The following BRCA2 variants were observed in gnomAD, a reference collection of about 807,000 sequenced individuals.
BRCA2 encodes the protein breast cancer type 2 susceptibility protein.
A neutral mutation model predicts 276.7 loss-of-function variants in BRCA2; 203 were observed. That is an observed-to-expected ratio of 0.73 (90% CI 0.65 to 0.82). The LOEUF (loss-of-function observed/expected upper bound fraction) is 0.82. Ranked by LOEUF, BRCA2 falls within the 40% of genes least tolerant of loss-of-function variation. The pLI, the probability that BRCA2 is intolerant of heterozygous loss-of-function variation, is 0.00. For missense variants in BRCA2, 3,920 were observed against 3,915.0 expected (o/e 1.00, Z -0.03); for synonymous variants, 1,289 against 1,338.4 (o/e 0.96, Z 0.81).
intron 7 of BRCA2, among the ~76,000 whole-genome samples, chr13:32,328,265 G>A (rs1290825838): frequency 2.1e-5 from 3 of 145,278 alleles, no homozygotes; most frequent in African/African-American, 5.1e-5. Flanking sequence ...TTTTTGAGGC[G>A]GAGTCTTGCC....
In BRCA2 at chr13:32,315,616, G is replaced by C. The variant is rs1343696092; in HGVS notation, c.-91G>C. The C allele has an allele frequency of 1.3e-5, 2 of 152,326 alleles. No individual in the cohort carries two copies. Among genetic ancestry groups the C allele is most frequent in the African/African-American group, 2.4e-5 (1 of 41,446 alleles). The allele number at this position is 152,326 out of a possible 1,614,324, so 9.4% of individuals were successfully genotyped here. A position where few individuals can be genotyped will look rare whatever the true frequency, so the allele number is the denominator to read the frequency against. ...GTGAGGGGACAGATTTGTGACCGGC[G>C]CGGTTTTTGTCAGCTTACTCCGGCC... is the stretch of plus-strand genomic sequence containing the variant. On this transcript the variant is annotated 5_prime_UTR_variant, in exon 1 of 27. Coordinates refer to ENST00000380152, the MANE Select transcript of BRCA2 (RefSeq NM_000059.4).
chr13:32,343,217 T>C (rs1018279210), intron 11 of BRCA2, among the ~76,000 whole-genome samples: 2 of 152,310 alleles, frequency 1.3e-5, no homozygotes, highest in East Asian at 3.9e-4. Flanking sequence ...TTGTGTGTGT[T>C]TTTTTCTATT....
rs786201236 is a variant in BRCA2, at chr13:32,338,235, T to C, written c.3880T>C (p.Leu1294=). ...AAAAAATAATAAATGCCAACTGATA[T>C]TACAAAATAATATTGAAATGACTAC... ...SEKNNKCQLI[L]QNNIEMTTGT... is the part of the protein sequence containing the mutation. The change falls in exon 11 of 27, where the codon TTA becomes CTA. Residue 1294 remains leucine, a synonymous_variant. Coordinates refer to ENST00000380152, the MANE Select transcript of BRCA2 (RefSeq NM_000059.4). 10 of 1,543,398 alleles carry C rather than the reference T, an allele frequency of 6.5e-6. No individual in the cohort carries two copies. Among genetic ancestry groups the C allele is most frequent in the Admixed American group, 2.1e-5 (1 of 47,190 alleles).
intron 13 of BRCA2, 128 bp from the exon 14 acceptor site, chr13:32,354,733 T>C: frequency 1.4e-6 from 1 of 722,988 alleles, no homozygotes; most frequent in Non-Finnish European, 2.4e-6. Flanking sequence ...ATGGCAACCA[T>C]GGTGAATACA....
intron 5 of BRCA2, 31 bp from the exon 6 acceptor site, chr13:32,326,207 AAAAC>A: frequency 6.2e-7 from 1 of 1,611,430 alleles, no homozygotes; most frequent in Non-Finnish European, 8.5e-7. Flanking sequence ...TAATAAAAAT[AAAAC>A]TTAACAATTT....
chr13:32,329,978 T>C (rs1268596515), intron 8 of BRCA2, among the ~76,000 whole-genome samples: 1 of 152,172 alleles, frequency 6.6e-6, no homozygotes, highest in Non-Finnish European at 1.5e-5. Context: ...TCTCAAAATA[T>C]CTTATTGTTC....
rs2137465469 is a variant in BRCA2, at chr13:32,332,357, T to A, written c.879T>A (p.Asp293Glu). The A allele has an allele frequency of 6.3e-7, 1 of 1,596,610 alleles. No homozygotes were observed. ...IGKSMPNVLE[D>E]EVYETVVDTS... The stretch of plus-strand genomic sequence containing the variant: ...AGTCAATGCCAAATGTCCTAGAAGA[T>A]GAAGTATATGAAACAGTTGTAGATA... Residue 293 changes from aspartate to glutamate, a missense_variant, in exon 10 of 27, where the codon GAT becomes GAA. Physicochemically the swap from Asp to Glu is conservative, Grantham distance 45. Transcript: ENST00000380152.
rs2137580529 is a variant in BRCA2 at position 32,363,278 on chromosome 13, C to A, written c.8076C>A (p.Asp2692Glu). The A allele has an allele frequency of 6.2e-7, 1 of 1,614,112 alleles. No individual in the cohort carries two copies. The highest frequency in any genetic ancestry group is 8.5e-7 in the Non-Finnish European group (1 of 1,180,006). The change falls in exon 18 of 27, where the codon GAC becomes GAA. Residue 2692 changes from aspartate to glutamate, a missense_variant. Physicochemically the swap from Asp to Glu is conservative, Grantham distance 45. Around this residue, in one of 2 missense-constraint regions of BRCA2, gnomAD observed 3,263 missense variants for 3,156.9 expected, o/e 1.03. Transcript: ENST00000380152. ...AAACACTTGTTCTCTGTGTTTCTGA[C>A]ATAATTTCATTGAGCGCAAATATAT... ...AAKTLVLCVS[D>E]IISLSANISE...
rs878853597 is a variant in BRCA2, at chr13:32,340,766, T to A, written c.6411T>A (p.Asn2137Lys). 1.9e-6 allele frequency: 3 copies of A among 1,598,564 alleles called. No homozygotes were observed. Among genetic ancestry groups the A allele is most frequent in the Non-Finnish European group, 2.6e-6 (3 of 1,175,676 alleles). Residue 2137 changes from asparagine to lysine, a missense_variant, in exon 11 of 27, where the codon AAT becomes AAA. Transcript: ENST00000380152. ...AATTTAAATTATCAAATAACTTAAATGTTGAAGGTGGTTCTTCAGAAAATA... is the reference window on the plus strand; with the variant it reads ...AATTTAAATTATCAAATAACTTAAAAGTTGAAGGTGGTTCTTCAGAAAATA... ...SKEFKLSNNL[N>K]VEGGSSENNH... is the part of the protein sequence containing the mutation.
At chr13:32,376,145 T>C (rs1163686805) in intron 20 of BRCA2, among the ~76,000 whole-genome samples, 1 of 152,174 alleles carries the variant, frequency 6.6e-6, no homozygotes, top group Non-Finnish European at 1.5e-5. Context: ...TATACCTATG[T>C]TAACTCACAT....
Position 32,338,372 on chromosome 13 carries a change from T to C in BRCA2, c.4017T>C (p.Ser1339=), listed in dbSNP as rs1593901181. ...CTCATAACTTAGAATTTGATGGCAG[T>C]GATTCAAGTAAAAATGATACTGTTT... ...RNSHNLEFDG[S]DSSKNDTVCI... Residue 1339 remains serine (S), a synonymous_variant, in exon 11 of 27, where the codon AGT becomes AGC. Coordinates refer to ENST00000380152, the MANE Select transcript of BRCA2 (RefSeq NM_000059.4). The C allele has an allele frequency of 1.3e-6, 2 of 1,590,208 alleles. No homozygotes were observed. The highest frequency in any genetic ancestry group is 1.7e-6 in the Non-Finnish European group (2 of 1,170,438).
Position 32,339,457 on chromosome 13 carries a change from A to G in BRCA2, c.5102A>G (p.Gln1701Arg), listed in dbSNP as rs751709685. The stretch of plus-strand genomic sequence containing the variant: ...CTTAGAGAAGGAATATTTGATGGTC[A>G]ACCAGAAAGAATAAATACTGCAGAT... ...KWLREGIFDGQPERINTADYV... is the reference protein window; with the variant it reads ...KWLREGIFDGRPERINTADYV... Residue 1701 changes from glutamine (Q) to arginine (R), a missense_variant, in exon 11 of 27, where the codon CAA (glutamine) becomes CGA (arginine). By Grantham distance (43) the Gln-to-Arg change is conservative. Coordinates refer to ENST00000380152, the MANE Select transcript of BRCA2 (RefSeq NM_000059.4). 1 of 1,587,544 alleles carries G rather than the reference A, an allele frequency of 6.3e-7. No homozygotes were observed. The highest frequency in any genetic ancestry group is 8.6e-7 in the Non-Finnish European group (1 of 1,168,114).
intron 19 of BRCA2, 90 bp downstream of exon 19, chr13:32,370,647 G>T: frequency 7.0e-7 from 1 of 1,418,862 alleles, no homozygotes; most frequent in Non-Finnish European, 9.8e-7. Flanking sequence ...TCGGTCTCTT[G>T]CCCAGGCTGG....
Position 32,338,269 on chromosome 13 carries a change from T to G in BRCA2, c.3914T>G (p.Phe1305Cys). The change falls in exon 11 of 27, where the codon TTT becomes TGT. Residue 1305 changes from phenylalanine to cysteine, a missense_variant. Phe to Cys is a radical substitution (Grantham distance 205). Transcript: ENST00000380152. The part of the protein sequence containing the change: ...QNNIEMTTGT[F>C]VEEITENYKR... ...AATATTGAAATGACTACTGGCACTT[T>G]TGTTGAAGAAATTACTGAAAATTAC... The G allele has an allele frequency of 6.4e-7, 1 of 1,565,676 alleles. No homozygotes were observed. Among genetic ancestry groups the G allele is most frequent in the African/African-American group, 1.4e-5 (1 of 72,818 alleles).
At chr13:32,368,796 TTG>T (rs2072805948) in intron 18 of BRCA2, among the ~76,000 whole-genome samples, 2 of 98,666 alleles carry the variant, frequency 2.0e-5, no homozygotes, top group Non-Finnish European at 4.1e-5. Flanking sequence ...TTTTGTTTTT[TTG>T]TTTTTTTTTT....
chr13:32,393,592 T>C (rs1181525157), intron 24 of BRCA2, among the ~76,000 whole-genome samples: 1 of 152,188 alleles, frequency 6.6e-6, no homozygotes, highest in East Asian at 1.9e-4. Flanking sequence ...TCCAAGTTCA[T>C]CTTATATGTT....
In BRCA2 at chr13:32,370,993, G is replaced by C. The variant is rs80359105; in HGVS notation, c.8525G>C (p.Arg2842Pro). ...EKTSSGLYIF[R>P]NEREEEKEAA... ...ACATCATCTGGATTATACATATTTC[G>C]CAATGAAAGAGAGGAAGAAAAGGAA... The change falls in exon 20 of 27, where the codon CGC (arginine) becomes CCC (proline). Residue 2842 changes from arginine (R) to proline (P), a missense_variant. Coordinates refer to ENST00000380152, the MANE Select transcript of BRCA2 (RefSeq NM_000059.4). 6.2e-7 allele frequency: 1 copy of C among 1,613,990 alleles called. No homozygotes were observed. Among genetic ancestry groups the C allele is most frequent in the South Asian group, 1.1e-5 (1 of 91,072 alleles).
chr13:32,395,913 C>T lies in BRCA2; in HGVS notation c.9501+980C>T, dbSNP rs2073032425. ...TTGTATTCATTATTTAGTTCCCATA[C>T]AGCATATCTACTGTTTACACCCCAC... On this transcript the variant is annotated intron_variant, in intron 25 of 26. Transcript: ENST00000380152. The T allele has an allele frequency of 2.3e-5, 5 of 217,856 alleles. No individual in the cohort carries two copies. The South Asian group carries it at 2.5e-4, about 11-fold the overall frequency. The allele number at this position is 217,856 out of a possible 1,614,324, so 13.5% of individuals were successfully genotyped here.
At chr13:32,320,847 C>G (rs2072301846) in intron 3 of BRCA2, among the ~76,000 whole-genome samples, 1 of 152,158 alleles carries the variant, frequency 6.6e-6, no homozygotes, top group Admixed American at 6.6e-5. Context: ...TAACGTTTTT[C>G]AAAATGTCAT....
Sources: gnomAD v4.1 joint callset for allele counts (sites outside exome capture counted in the v4.1 genomes callset) on GRCh38, gnomAD v4.1.1 for gene constraint, gnomAD v4.1.1 regional missense constraint, MANE v1.5 for transcripts, NCBI Gene and HGNC (gene_info 2026-07-23, HGNC 2026-07-21) for gene names.